The following ZMYM2 variants were observed in gnomAD, a reference collection of about 807,000 sequenced individuals.
The protein encoded by ZMYM2 is zinc finger MYM-type containing 2, also known as zinc finger MYM-type protein 2.
Under a neutral mutation model 162.8 loss-of-function variants are expected in ZMYM2, and 56 were observed. That is an observed-to-expected ratio of 0.34 (90% confidence interval 0.28 to 0.43). ZMYM2 has a LOEUF of 0.43. Ranked by LOEUF, ZMYM2 falls within the 20% of genes least tolerant of loss-of-function variation. The pLI is 1.00. For missense variants in ZMYM2, 1,275 were observed against 1,621.8 expected (o/e 0.79, Z 3.67); for synonymous variants, 510 against 541.6 (o/e 0.94, Z 0.81).
intron 12 of ZMYM2, 33 bp downstream of exon 12, chr13:20,036,942 A>C: frequency 6.4e-7 from 1 of 1,556,830 alleles, no homozygotes; most frequent in Non-Finnish European, 8.7e-7. Flanking sequence ...CAGCTACTTT[A>C]ACCAGTCTTA....
chr13:20,008,284 C>T (rs1213020989), intron 6 of ZMYM2, among the ~76,000 whole-genome samples: 1 of 152,086 alleles, frequency 6.6e-6, no homozygotes, highest in African/African-American at 2.4e-5. Flanking sequence ...GCACATGCCA[C>T]CATGCCCGAC....
intron 12 of ZMYM2, among the ~76,000 whole-genome samples, chr13:20,043,925 C>T (rs895219210): frequency 1.3e-5 from 2 of 152,080 alleles, no homozygotes; most frequent in African/African-American, 4.8e-5. Flanking sequence ...TGGTCAAGTT[C>T]CGTCTGCCAG....
At chr13:19,976,077 T>A (rs538337358) in intron 2 of ZMYM2, among the ~76,000 whole-genome samples, 57 of 152,218 alleles carry the variant, frequency 3.7e-4, no homozygotes, top group African/African-American at 1.3e-3. Flanking sequence ...CTCATGCCTG[T>A]AATCCCAGCA....
intron 18 of ZMYM2, 139 bp from the exon 19 acceptor site, chr13:20,064,312 G>A (rs1956503915): frequency 2.0e-6 from 1 of 506,796 alleles, no homozygotes; most frequent in East Asian, 3.3e-5. Flanking sequence ...GGTACAATGA[G>A]TCATTTACTC....
At chr13:20,033,779 G>A (rs558496927) in intron 10 of ZMYM2, among the ~76,000 whole-genome samples, 15 of 152,310 alleles carry the variant, frequency 9.8e-5, no homozygotes, top group Admixed American at 9.8e-4. Context: ...AGCACGCTGT[G>A]TGATGGCACC....
At chr13:19,961,075 C>T (rs1222079987) in intron 2 of ZMYM2, among the ~76,000 whole-genome samples, 3 of 150,810 alleles carry the variant, frequency 2.0e-5, no homozygotes, top group African/African-American at 4.9e-5. Context: ...ATACCTATGG[C>T]GTGTATTGAG....
chr13:19,877,526 C>T, the ZMYM2 span, among the ~76,000 whole-genome samples: 1 of 152,208 alleles, frequency 6.6e-6, no homozygotes, highest in Non-Finnish European at 1.5e-5. Flanking sequence ...ATCCCCAAGC[C>T]CAGATACTTC....
At chr13:19,896,941 C>A in the ZMYM2 span, among the ~76,000 whole-genome samples, 1 of 138,990 alleles carries the variant, frequency 7.2e-6, no homozygotes. Context: ...GGCGTGGTGG[C>A]AGGCGCCTGT....
At chr13:19,904,570 T>G in the ZMYM2 span, among the ~76,000 whole-genome samples, 1 of 152,102 alleles carries the variant, frequency 6.6e-6, no homozygotes, top group Admixed American at 6.6e-5. Context: ...AAAAAAATTT[T>G]TTTTAATAAT....
intron 7 of ZMYM2, 70 bp from the exon 8 acceptor site, chr13:20,026,542 G>A: frequency 6.8e-7 from 1 of 1,469,910 alleles, no homozygotes; most frequent in Non-Finnish European, 9.1e-7. Context: ...AAAGTGTAAT[G>A]AAAAATTGGT....
Position 20,034,298 on chromosome 13 carries a change from TAAG to T in ZMYM2, c.2017_2019del (p.Lys673del). ...GCAGCAAAACTTGTTCAGATGACTA[TAAG>T]AAGTTGCATTGCATAGTTACATATT... is the stretch of plus-strand genomic sequence containing the variant. On this transcript the variant is annotated inframe_deletion, in exon 11 of 25. Transcript: ENST00000610343. 6.2e-7 allele frequency: 1 copy of T among 1,610,820 alleles called. No individual in the cohort carries two copies.
chr13:19,945,699 T>A, the ZMYM2 span, among the ~76,000 whole-genome samples: 13 of 152,214 alleles, frequency 8.5e-5, no homozygotes, highest in East Asian at 2.5e-3. Flanking sequence ...ATTTATCAGA[T>A]TTGCTAAGAG....
upstream of ZMYM2, among the ~76,000 whole-genome samples, chr13:19,958,234 C>G (rs1007936431): frequency 9.2e-5 from 14 of 152,324 alleles, no homozygotes; most frequent in African/African-American, 3.4e-4. Context: ...GGCCTTCAAG[C>G]AACTGGACAG....
the ZMYM2 span, among the ~76,000 whole-genome samples, chr13:19,916,838 G>A: frequency 6.6e-6 from 1 of 152,096 alleles, no homozygotes; most frequent in Non-Finnish European, 1.5e-5. Context: ...TTGTGCACAT[G>A]TACCCTAGAA....
chr13:20,004,075 A>G (rs1453260567), intron 4 of ZMYM2, among the ~76,000 whole-genome samples: 1 of 152,240 alleles, frequency 6.6e-6, no homozygotes, highest in Non-Finnish European at 1.5e-5. Context: ...CTCCGAAGCT[A>G]TATTTAGATC....
intron 6 of ZMYM2, among the ~76,000 whole-genome samples, chr13:20,012,195 G>C (rs1282609244): frequency 1.3e-5 from 2 of 149,580 alleles, no homozygotes; most frequent in Non-Finnish European, 3.0e-5. Flanking sequence ...TTTTTTTTTT[G>C]AGATGGGTCT....
intron 21 of ZMYM2, among the ~76,000 whole-genome samples, chr13:20,081,364 C>T (rs1011853515): frequency 2.6e-5 from 4 of 152,170 alleles, no homozygotes; most frequent in African/African-American, 9.7e-5. Flanking sequence ...GTTATTTTCT[C>T]TTTAAGCCCC....
chr13:19,975,144 A>AT (rs1313608644), intron 2 of ZMYM2, among the ~76,000 whole-genome samples: 1 of 143,552 alleles, frequency 7.0e-6, no homozygotes, highest in Admixed American at 7.2e-5. Context: ...TGTTTTTGGT[A>AT]TTTTTTTCCC....
At chr13:20,000,569 G>A (rs1471743961) in intron 3 of ZMYM2, among the ~76,000 whole-genome samples, 1 of 152,210 alleles carries the variant, frequency 6.6e-6, no homozygotes, top group Non-Finnish European at 1.5e-5. Flanking sequence ...CTTTATCAGT[G>A]GAACAACAAA....
Sources: allele counts gnomAD v4.1 joint callset (sites outside exome capture counted in the v4.1 genomes callset), GRCh38; gene constraint gnomAD v4.1.1; transcripts MANE v1.5; gene names NCBI Gene and HGNC (gene_info 2026-07-23, HGNC 2026-07-21).